Variants in DAB1 observed in about 807,000 individuals in gnomAD.
DAB1 encodes the protein DAB adaptor protein 1, also known as disabled homolog 1.
DAB1 carries 15 observed loss-of-function variants against 64.6 expected under a neutral mutation model. The observed-to-expected ratio is 0.23, with a 90% confidence interval of 0.16 to 0.36. The LOEUF (loss-of-function observed/expected upper bound fraction) is 0.36, where lower values mean the gene tolerates loss of function less well. DAB1 is among the 10% of genes least tolerant of loss of function. The pLI, the probability that DAB1 is intolerant of heterozygous loss-of-function variation, is 1.00. For synonymous variants in DAB1, 235 were observed against 251.9 expected, an observed-to-expected ratio of 0.93 and a Z score of 0.64; for missense variants, 596 against 706.7, an observed-to-expected ratio of 0.84 and a Z score of 1.78.
chr1:58,450,997 G>A (rs1046887930), intron 3 of DAB1, among the ~76,000 whole-genome samples: 3 of 152,286 alleles, frequency 2.0e-5, no homozygotes, highest in South Asian at 2.1e-4. Context: ...AATTGCCAAG[G>A]TCAGGAAAAA....
chr1:58,371,887 C>T (rs1010112248), intron 3 of DAB1, among the ~76,000 whole-genome samples: 13 of 152,160 alleles, frequency 8.5e-5, no homozygotes, highest in Admixed American at 3.3e-4. Context: ...GCTTTTGGAA[C>T]CTCCACCTAG....
At chr1:58,146,989 T>C (rs777626931) in intron 5 of DAB1, among the ~76,000 whole-genome samples, 14 of 152,112 alleles carry the variant, frequency 9.2e-5, no homozygotes, top group Non-Finnish European at 1.8e-4. Flanking sequence ...GGAACCCTTG[T>C]ATGCTGTTGG....
At chr1:57,817,771 G>A (rs190651324) in intron 6 of DAB1, among the ~76,000 whole-genome samples, 1 of 152,236 alleles carries the variant, frequency 6.6e-6, no homozygotes, top group Admixed American at 6.5e-5. Flanking sequence ...GAGCATCTAA[G>A]TCCGTGCTTT....
chr1:58,288,558 C>T (rs1186234614), intron 4 of DAB1, among the ~76,000 whole-genome samples: 1 of 152,164 alleles, frequency 6.6e-6, no homozygotes, highest in Non-Finnish European at 1.5e-5. Context: ...AGCATTCTCC[C>T]AGCCATATGT....
intron 1 of DAB1, among the ~76,000 whole-genome samples, chr1:57,338,582 T>C (rs1677293505): frequency 6.6e-6 from 1 of 152,234 alleles, no homozygotes; most frequent in African/African-American, 2.4e-5. Context: ...TAAGCTGATA[T>C]CAAATATAAC....
intron 1 of DAB1, among the ~76,000 whole-genome samples, chr1:57,303,325 G>A (rs928548725): frequency 2.0e-5 from 3 of 152,288 alleles, no homozygotes; most frequent in Non-Finnish European, 4.4e-5. Flanking sequence ...CAAAGGAGTT[G>A]TATGTGTTAC....
intron 5 of DAB1, among the ~76,000 whole-genome samples, chr1:57,979,104 A>G (rs1320719015): frequency 5.3e-5 from 8 of 152,224 alleles, no homozygotes; most frequent in Non-Finnish European, 1.2e-4. Context: ...CTGTAAAGAC[A>G]CATGCACACA....
intron 6 of DAB1, among the ~76,000 whole-genome samples, chr1:57,746,656 T>C (rs1648284305): frequency 6.6e-6 from 1 of 152,232 alleles, no homozygotes; most frequent in Non-Finnish European, 1.5e-5. Context: ...ATAAAAACTA[T>C]GGATATCCTT....
At chr1:57,355,575 T>G (rs988107714) in intron 1 of DAB1, among the ~76,000 whole-genome samples, 3 of 151,828 alleles carry the variant, frequency 2.0e-5, no homozygotes, top group Non-Finnish European at 4.4e-5. Context: ...GTGTGAACAA[T>G]GTTTAGAAAA....
intron 5 of DAB1, among the ~76,000 whole-genome samples, chr1:57,974,857 T>C (rs924513055): frequency 1.5e-4 from 23 of 152,170 alleles, no homozygotes; most frequent in African/African-American, 4.6e-4. Flanking sequence ...AATCCATATA[T>C]ATAGTAATTC....
At chr1:57,567,535 C>G (rs1203167693) in intron 7 of DAB1, among the ~76,000 whole-genome samples, 1 of 152,214 alleles carries the variant, frequency 6.6e-6, no homozygotes, top group Non-Finnish European at 1.5e-5. Context: ...ACCCCATCGT[C>G]TCAGCCCCAA....
At chr1:57,154,385 T>C (rs748920392) in intron 2 of DAB1, among the ~76,000 whole-genome samples, 14 of 152,256 alleles carry the variant, frequency 9.2e-5, no homozygotes, top group South Asian at 2.1e-4. Flanking sequence ...TCCTTTTTTA[T>C]GACGGAATAG....
intron 5 of DAB1, among the ~76,000 whole-genome samples, chr1:58,017,654 A>T (rs985689626): frequency 6.6e-6 from 1 of 152,182 alleles, no homozygotes; most frequent in Non-Finnish European, 1.5e-5. Flanking sequence ...TTCAAGCTGG[A>T]ACTATGCTAC....
intron 6 of DAB1, among the ~76,000 whole-genome samples, chr1:57,817,276 C>G (rs1651899053): frequency 6.6e-6 from 1 of 152,176 alleles, no homozygotes; most frequent in Admixed American, 6.5e-5. Context: ...AGGCAAAGAT[C>G]CAAAGCATTG....
chr1:57,214,694 A>C (rs1341178385), intron 2 of DAB1, among the ~76,000 whole-genome samples: 1 of 152,044 alleles, frequency 6.6e-6, no homozygotes, highest in East Asian at 1.9e-4. Flanking sequence ...GTGGATCACA[A>C]GGTCAGGAGA....
chr1:57,984,184 A>AAAAAAAAGAAAGAAAGAAAGAAAGAAAG lies in DAB1; in HGVS notation n.388-100023_388-100022insCTTTCTTTCTTTCTTTCTTTCTTTTTTT. ...TTCAGGGCCCAGGACTAGCTTAAAA[A>AAAAAAAAGAAAGAAAGAAAGAAAGAAAG]AAAGAAAGAAAGAAAGAAAGAAAGA... On this transcript the variant is annotated intron_variant and non_coding_transcript_variant, in intron 5 of 20. Transcript: ENST00000485760. Among the ~76,000 whole-genome samples the AAAAAAAAGAAAGAAAGAAAGAAAGAAAG allele has an allele frequency of 3.9e-5, 2 of 50,716 alleles. 1 individual carries two copies. The highest frequency in any genetic ancestry group is 1.2e-3 in the East Asian group (2 of 1,732). The allele number at this position is 50,716 out of a possible 152,430, so 33.3% of individuals were successfully genotyped here. A position where few individuals can be genotyped will look rare whatever the true frequency, so the allele number is the denominator to read the frequency against.
At chr1:57,911,192 A>C (rs897127907) in intron 5 of DAB1, among the ~76,000 whole-genome samples, 4 of 152,214 alleles carry the variant, frequency 2.6e-5, no homozygotes, top group African/African-American at 9.6e-5. Flanking sequence ...TAATGCCCCC[A>C]GGTGCAGTGC....
chr1:57,486,972 A>T (rs1644100120), intron 7 of DAB1, among the ~76,000 whole-genome samples: 1 of 152,094 alleles, frequency 6.6e-6, no homozygotes, highest in Non-Finnish European at 1.5e-5. Context: ...AAAAAAAAGA[A>T]AAAAAAACAA....
chr1:57,858,727 A>C (rs1653870729), intron 1 of DAB1, among the ~76,000 whole-genome samples: 1 of 149,384 alleles, frequency 6.7e-6, no homozygotes, highest in African/African-American at 2.5e-5. Flanking sequence ...GCTTCCAGCA[A>C]CTCCTTCAAA....
Sources: allele counts gnomAD v4.1 joint callset (sites outside exome capture counted in the v4.1 genomes callset), GRCh38; gene constraint gnomAD v4.1.1; transcripts MANE v1.5; gene names NCBI Gene and HGNC (gene_info 2026-07-23, HGNC 2026-07-21).